SPPL2A: variants seen among roughly 807,000 people sequenced by gnomAD.
The protein encoded by SPPL2A is signal peptide peptidase-like 2A.
In SPPL2A, 51 loss-of-function variants were observed where a neutral mutation model predicts 63.8. The ratio of observed to expected loss-of-function variants is 0.80; its 90% CI spans 0.64 to 1.01. The LOEUF (loss-of-function observed/expected upper bound fraction) is 1.01, where lower values mean the gene tolerates loss of function less well. SPPL2A is among the 50% of genes least tolerant of loss of function. SPPL2A has a pLI of 0.00. For synonymous variants in SPPL2A, 188 were observed against 205.8 expected, an observed-to-expected ratio of 0.91 and a Z score of 0.74; for missense variants, 553 against 622.7, an observed-to-expected ratio of 0.89 and a Z score of 1.19.
At chr15:50,745,128 TA>T (rs2062848437) in intron 5 of SPPL2A, among the ~76,000 whole-genome samples, 1 of 152,152 alleles carries the variant, frequency 6.6e-6, no homozygotes, top group African/African-American at 2.4e-5. Context: ...ATATAATTTT[TA>T]TTTTTTATGT....
chr15:50,725,462 C>T, intron 11 of SPPL2A, 139 bp from the exon 12 acceptor site: 1 of 579,056 alleles, frequency 1.7e-6, no homozygotes. Context: ...CTCTGTCGCC[C>T]AAGTGGAGTG....
intron 1 of SPPL2A, 61 bp downstream of exon 1, chr15:50,765,407 C>G: frequency 5.9e-6 from 8 of 1,357,628 alleles, no homozygotes; most frequent in African/African-American, 1.5e-5. Context: ...AAGGGAGCCC[C>G]GGCCTTGGCC....
rs553835112 is a variant in SPPL2A at position 50,747,747 on chromosome 15, T to C, written c.451-119A>G. The C allele has an allele frequency of 8.7e-5, 61 of 703,982 alleles. 1 individual carries two copies. The East Asian group carries it at 1.3e-3, about 16-fold the overall frequency. 43.6% of individuals were successfully genotyped at this position (703,982 alleles called of 1,614,324 possible). On this transcript the variant is annotated intron_variant, in intron 4 of 14. Transcript: ENST00000261854. Reference sequence around the variant, plus strand: ...TTATACATCAGACAGTCAAGAAGACTAGAATTATTGTCTGATGACATGATA... The same window carrying C: ...TTATACATCAGACAGTCAAGAAGACCAGAATTATTGTCTGATGACATGATA...
intron 14 of SPPL2A, among the ~76,000 whole-genome samples, chr15:50,717,161 C>T (rs2062604866): frequency 6.6e-6 from 1 of 152,222 alleles, no homozygotes; most frequent in South Asian, 2.1e-4. Flanking sequence ...AGGCTTCTAT[C>T]ACTTCTTTTT....
At chr15:50,728,771 T>C (rs1224343308) in intron 10 of SPPL2A, among the ~76,000 whole-genome samples, 2 of 150,988 alleles carry the variant, frequency 1.3e-5, no homozygotes, top group Non-Finnish European at 2.9e-5. Context: ...GTCTCCCGAG[T>C]AGCTGGGACT....
chr15:50,756,973 A>G (rs1353393444), intron 1 of SPPL2A, among the ~76,000 whole-genome samples: 1 of 151,998 alleles, frequency 6.6e-6, no homozygotes, highest in African/African-American at 2.4e-5. Context: ...TAATGATCAC[A>G]TATTTCTCTG....
At chr15:50,753,768 C>T (rs2062929472) in intron 1 of SPPL2A, among the ~76,000 whole-genome samples, 1 of 151,958 alleles carries the variant, frequency 6.6e-6, no homozygotes, top group Non-Finnish European at 1.5e-5. Flanking sequence ...ATAAGGGGTA[C>T]AGCTAAAGGA....
chr15:50,746,620 T>C (rs2062859938), intron 5 of SPPL2A: 2 of 151,602 alleles, frequency 1.3e-5, no homozygotes, highest in African/African-American at 2.4e-5. Context: ...TTAGTGGTTA[T>C]TTAACTGTGT....
intron 14 of SPPL2A, among the ~76,000 whole-genome samples, chr15:50,712,424 G>T (rs896600402): frequency 2.0e-5 from 3 of 152,244 alleles, no homozygotes; most frequent in Middle Eastern, 6.8e-3. Flanking sequence ...AGAAGCAAAT[G>T]ATTATTATTA....
rs138528500 is a variant in SPPL2A at position 50,757,415 on chromosome 15, C to T, written c.67-7669G>A. Among the ~76,000 whole-genome samples, 1,328 of 152,234 alleles carry T rather than the reference C, an allele frequency of 8.7e-3. 26 individuals carry two copies. The highest frequency in any genetic ancestry group is 0.031 in the African/African-American group (1,274 of 41,530). ...TTTCCTTATACTCTTCTAAATACTC[C>T]CAATTCTAGGACTGTAGAGCTCATG... On this transcript the variant is annotated intron_variant, in intron 1 of 14. Coordinates refer to ENST00000261854, the MANE Select transcript of SPPL2A (RefSeq NM_032802.4).
chr15:50,712,920 G>A (rs1156620739), intron 14 of SPPL2A, among the ~76,000 whole-genome samples: 4 of 151,796 alleles, frequency 2.6e-5, no homozygotes, highest in East Asian at 1.9e-4. Context: ...TCCTGACCTC[G>A]TGATCTGCCC....
rs2062519215 is a variant in SPPL2A at position 50,707,446 on chromosome 15, A to G, written c.*354T>C. On this transcript the variant is annotated 3_prime_UTR_variant, in exon 15 of 15. Coordinates refer to ENST00000261854, the MANE Select transcript of SPPL2A (RefSeq NM_032802.4). ...TGCATAATTCTTTACAGTAAAACCCATTCAGAAATAGTAACTACTTGTATC... is the reference window on the plus strand; with the variant it reads ...TGCATAATTCTTTACAGTAAAACCCGTTCAGAAATAGTAACTACTTGTATC... 5.8e-6 allele frequency: 1 copy of G among 172,142 alleles called. No homozygotes were observed. The highest frequency in any genetic ancestry group is 1.7e-4 in the South Asian group (1 of 5,792). 10.7% of individuals were successfully genotyped at this position (172,142 alleles called of 1,614,324 possible).
At chr15:50,708,986 G>A (rs567239457) in intron 14 of SPPL2A, among the ~76,000 whole-genome samples, 4 of 151,762 alleles carry the variant, frequency 2.6e-5, no homozygotes, top group Non-Finnish European at 5.9e-5. Context: ...GCAGTGAGCC[G>A]AGATCGTGCT....
At chr15:50,763,184 T>C (rs373531430) in intron 1 of SPPL2A, among the ~76,000 whole-genome samples, 3 of 152,014 alleles carry the variant, frequency 2.0e-5, no homozygotes, top group East Asian at 1.9e-4. Context: ...GAGAAAATGG[T>C]AGAAGACTTC....
intron 1 of SPPL2A, among the ~76,000 whole-genome samples, chr15:50,762,618 C>A (rs182803770): frequency 9.9e-5 from 15 of 152,198 alleles, no homozygotes; most frequent in African/African-American, 3.1e-4. Flanking sequence ...TCTGCCTCTT[C>A]TAGATGGATG....
intron 1 of SPPL2A, among the ~76,000 whole-genome samples, chr15:50,763,714 T>C (rs528734331): frequency 1.4e-4 from 22 of 152,046 alleles, no homozygotes; most frequent in Middle Eastern, 3.4e-3. Context: ...CTGACCAACA[T>C]AGTGAAACCC....
chr15:50,736,050 T>C (rs1285935006), intron 8 of SPPL2A, 51 bp downstream of exon 8: 8 of 1,188,668 alleles, frequency 6.7e-6, no homozygotes, highest in African/African-American at 4.5e-5. Flanking sequence ...CAGGGCAAGA[T>C]AGGAAACAAT....
At chr15:50,719,437 G>T (rs2062626759) in intron 14 of SPPL2A, among the ~76,000 whole-genome samples, 1 of 152,092 alleles carries the variant, frequency 6.6e-6, no homozygotes, top group Non-Finnish European at 1.5e-5. Context: ...GTAGAGACGG[G>T]TTTCACCATG....
chr15:50,716,935 G>A (rs925954725), intron 14 of SPPL2A, among the ~76,000 whole-genome samples: 1 of 152,002 alleles, frequency 6.6e-6, no homozygotes, highest in Non-Finnish European at 1.5e-5. Context: ...GATCCAATAG[G>A]TACTTCTGAA....
Sources: gnomAD v4.1 joint callset for allele counts (sites outside exome capture counted in the v4.1 genomes callset) on GRCh38, gnomAD v4.1.1 for gene constraint, MANE v1.5 for transcripts, NCBI Gene and HGNC (gene_info 2026-07-23, HGNC 2026-07-21) for gene names.